The following TUSC3 variants were observed in gnomAD, a reference collection of about 807,000 sequenced individuals.
The protein encoded by TUSC3 is tumor suppressor candidate 3.
Under a neutral mutation model 44.8 loss-of-function variants are expected in TUSC3, and 45 were observed. The observed-to-expected ratio is 1.00, with a 90% confidence interval of 0.79 to 1.29. TUSC3 has a LOEUF of 1.29. Among genes scored for constraint, TUSC3 ranks in the 50% most tolerant of loss-of-function variants. The pLI, the probability that TUSC3 is intolerant of heterozygous loss-of-function variation, is 0.00. For missense variants in TUSC3, 519 were observed against 437.9 expected (o/e 1.19, Z -1.65); for synonymous variants, 212 against 152.9 (o/e 1.39, Z -2.85).
chr8:15,535,380 T>C (rs149357500), upstream of TUSC3, among the ~76,000 whole-genome samples: 598 of 152,316 alleles, frequency 3.9e-3, 2 homozygotes, highest in Non-Finnish European at 6.4e-3. Context: ...AATGACATGA[T>C]TAGTGCTGTG....
chr8:15,794,897 AC>A, the TUSC3 span, among the ~76,000 whole-genome samples: 2 of 152,142 alleles, frequency 1.3e-5, no homozygotes, highest in East Asian at 3.9e-4. Flanking sequence ...ACAATCCAAA[AC>A]AAAGAAAGTC....
At chr8:15,825,465 C>A in the TUSC3 span, among the ~76,000 whole-genome samples, 7 of 151,992 alleles carry the variant, frequency 4.6e-5, no homozygotes, top group African/African-American at 1.7e-4. Context: ...GTGGAAAGAC[C>A]TGTCCCAATG....
chr8:15,811,013 T>A, the TUSC3 span, among the ~76,000 whole-genome samples: 4 of 151,896 alleles, frequency 2.6e-5, no homozygotes, highest in African/African-American at 9.7e-5. Context: ...AGTTTCTGAG[T>A]TAAATAAGAA....
At chr8:15,772,790 T>C in the TUSC3 span, among the ~76,000 whole-genome samples, 2 of 152,212 alleles carry the variant, frequency 1.3e-5, no homozygotes, top group African/African-American at 4.8e-5. Context: ...ATACTAAAAG[T>C]TTTATACAGC....
intron 2 of TUSC3, among the ~76,000 whole-genome samples, chr8:15,496,282 T>C (rs1051670103): frequency 3.3e-5 from 5 of 152,212 alleles, no homozygotes; most frequent in African/African-American, 1.2e-4. Flanking sequence ...TGTTCTGCCC[T>C]CTGCTAAAGC....
Position 15,498,452 on chromosome 8 carries a change from G to A in TUSC3, n.189+14969G>A, listed in dbSNP as rs114329750. 4.5e-3 allele frequency among the ~76,000 whole-genome samples: 689 copies of A among 152,254 alleles called. 2 individuals are homozygous for A. The highest frequency in any genetic ancestry group is 0.016 in the African/African-American group (662 of 41,558). On this transcript the variant is annotated intron_variant and non_coding_transcript_variant, in intron 2 of 5. Coordinates refer to the TUSC3 transcript ENST00000503191. ...AGGAGAACCGGAGCAGGGAAGCACC[G>A]GAAAACTACAGTTTAAGAGCCATGA...
intron 2 of TUSC3, among the ~76,000 whole-genome samples, chr8:15,640,476 C>G (rs1806314821): frequency 6.6e-6 from 1 of 152,214 alleles, no homozygotes; most frequent in Non-Finnish European, 1.5e-5. Flanking sequence ...ACGCCCAACA[C>G]ACAACCTTTT....
intron 4 of TUSC3, among the ~76,000 whole-genome samples, chr8:15,661,389 T>G (rs572478266): frequency 6.6e-6 from 1 of 152,154 alleles, no homozygotes; most frequent in Non-Finnish European, 1.5e-5. Context: ...TTAAAAACAT[T>G]GACACTTTGA....
chr8:15,728,010 A>G (rs1585273530), intron 6 of TUSC3, among the ~76,000 whole-genome samples: 1 of 152,324 alleles, frequency 6.6e-6, no homozygotes, highest in Non-Finnish European at 1.5e-5. Flanking sequence ...GAAATAAGCT[A>G]CAAGTGTTAT....
intron 8 of TUSC3, among the ~76,000 whole-genome samples, chr8:15,744,135 G>A (rs1044391076): frequency 2.0e-5 from 3 of 151,980 alleles, no homozygotes; most frequent in Non-Finnish European, 4.4e-5. Flanking sequence ...CTTTTCCAGG[G>A]TCTTTGCCTT....
At chr8:15,670,534 A>T (rs898485730) in intron 5 of TUSC3, among the ~76,000 whole-genome samples, 4 of 151,900 alleles carry the variant, frequency 2.6e-5, no homozygotes, top group Non-Finnish European at 5.9e-5. Context: ...CCCACCATAC[A>T]CAAGAGGAAT....
chr8:15,548,734 G>A (rs1167898940), intron 1 of TUSC3, among the ~76,000 whole-genome samples: 2 of 151,806 alleles, frequency 1.3e-5, no homozygotes, highest in Non-Finnish European at 2.9e-5. Context: ...GTTGAATTAA[G>A]CATTTTGCCC....
intron 1 of TUSC3, among the ~76,000 whole-genome samples, chr8:15,457,820 A>G: frequency 1.7e-5 from 1 of 57,992 alleles, no homozygotes; most frequent in South Asian, 3.8e-4. Flanking sequence ...TTATTAGATA[A>G]TTAATTATTA....
intron 2 of TUSC3, among the ~76,000 whole-genome samples, chr8:15,489,307 C>T (rs768099298): frequency 6.6e-6 from 1 of 152,064 alleles, no homozygotes; most frequent in Non-Finnish European, 1.5e-5. Context: ...TATTTAAAGA[C>T]CTGGAATCAA....
Position 15,504,756 on chromosome 8 carries a change from G to A in TUSC3, n.189+21273G>A, listed in dbSNP as rs774432813. On this transcript the variant is annotated intron_variant and non_coding_transcript_variant, in intron 2 of 5. Transcript: ENST00000503191. ...CAACCTCTGCCTCCTGGGTTCAAGC[G>A]ATTCTCCTGCCTCAGCCTCCCTAGT... Among the ~76,000 whole-genome samples the A allele has an allele frequency of 1.1e-3, 157 of 148,628 alleles. 2 individuals are homozygous for A. In the Middle Eastern group the frequency reaches 0.028, roughly 26 times the overall value.
At chr8:15,573,003 A>T (rs1448407876) in intron 1 of TUSC3, among the ~76,000 whole-genome samples, 1 of 152,004 alleles carries the variant, frequency 6.6e-6, no homozygotes, top group African/African-American at 2.4e-5. Flanking sequence ...ACACTGACTG[A>T]GCACATGCTG....
At chr8:15,706,611 T>G (rs1809625051) in intron 6 of TUSC3, among the ~76,000 whole-genome samples, 1 of 152,040 alleles carries the variant, frequency 6.6e-6, no homozygotes. Context: ...GATAACAGTA[T>G]TATCAATTTC....
intron 1 of TUSC3, among the ~76,000 whole-genome samples, chr8:15,556,996 C>G (rs2129138731): frequency 6.8e-6 from 1 of 146,952 alleles, no homozygotes; most frequent in East Asian, 2.1e-4. Context: ...TGTGCAGAAG[C>G]TCTTTAGTTT....
In TUSC3 at chr8:15,466,696, T is replaced by G. The variant is rs1392815875; in HGVS notation, n.92-16690T>G. Among the ~76,000 whole-genome samples, 4 of 152,158 alleles carry G rather than the reference T, an allele frequency of 2.6e-5. No homozygotes were observed. The South Asian group carries it at 6.2e-4, about 24-fold the overall frequency. Reference sequence around the variant, plus strand: ...ACAGTAGATTAAGGAAAAGGTTCTTTGAGATTTTCTTTAATTCCTGTTTTT... The same window carrying G: ...ACAGTAGATTAAGGAAAAGGTTCTTGGAGATTTTCTTTAATTCCTGTTTTT... On this transcript the variant is annotated intron_variant and non_coding_transcript_variant, in intron 1 of 5. Coordinates refer to the TUSC3 transcript ENST00000503191.
Sources: gnomAD v4.1 joint callset for allele counts (sites outside exome capture counted in the v4.1 genomes callset) on GRCh38, gnomAD v4.1.1 for gene constraint, MANE v1.5 for transcripts, NCBI Gene and HGNC (gene_info 2026-07-23, HGNC 2026-07-21) for gene names.